The following CCDC85C variants were observed in gnomAD, a reference collection of about 807,000 sequenced individuals.
The protein encoded by CCDC85C is coiled-coil domain containing 85C, also known as coiled-coil domain-containing protein 85C.
In CCDC85C, 18 loss-of-function variants were observed where a neutral mutation model predicts 38.3. That is an observed-to-expected ratio of 0.47 (90% CI 0.33 to 0.70). The LOEUF (loss-of-function observed/expected upper bound fraction) is 0.70, where lower values mean the gene tolerates loss of function less well. Among genes scored for constraint, CCDC85C ranks in the 30% least tolerant of loss-of-function variants. CCDC85C has a pLI of 0.03. For synonymous variants in CCDC85C, 264 were observed against 293.8 expected, an observed-to-expected ratio of 0.90 and a Z score of 1.04; for missense variants, 566 against 621.2, an observed-to-expected ratio of 0.91 and a Z score of 0.94.
At chr14:99,589,115 G>A (rs1169635183) in intron 1 of CCDC85C, among the ~76,000 whole-genome samples, 4 of 151,938 alleles carry the variant, frequency 2.6e-5, no homozygotes, top group Non-Finnish European at 5.9e-5. Flanking sequence ...TAAGCCCTGA[G>A]GAGAGCAGGC....
intron 1 of CCDC85C, among the ~76,000 whole-genome samples, chr14:99,581,104 C>T (rs1183348904): frequency 6.6e-6 from 1 of 152,126 alleles, no homozygotes; most frequent in Non-Finnish European, 1.5e-5. Flanking sequence ...AGGCTGGTTC[C>T]ACGATCGCTG....
rs2139887161 is a variant in CCDC85C at position 99,510,296 on chromosome 14, G to T, written c.*4950C>A. 7.2e-7 allele frequency: 1 copy of T among 1,397,858 alleles called. No individual in the cohort carries two copies. 86.6% of individuals were successfully genotyped at this position (1,397,858 alleles called of 1,614,324 possible). A position where few individuals can be genotyped will look rare whatever the true frequency, so the allele number is the denominator to read the frequency against. On this transcript the variant is annotated 3_prime_UTR_variant, in exon 6 of 6. Transcript: ENST00000380243. ...ACCAGCCACCGCCGCTGCCACACCG[G>T]CCCCCGCCCCCACCCCCCTCCAGCT...
chr14:99,537,480 C>T (rs1020009617), intron 1 of CCDC85C, among the ~76,000 whole-genome samples: 2 of 152,142 alleles, frequency 1.3e-5, no homozygotes, highest in Admixed American at 1.3e-4. Flanking sequence ...CCTATTCAGC[C>T]CTGGACCAGG....
At chr14:99,546,338 A>G in intron 1 of CCDC85C, among the ~76,000 whole-genome samples, 1 of 152,142 alleles carries the variant, frequency 6.6e-6, no homozygotes, top group South Asian at 2.1e-4. Flanking sequence ...TCTCAGCCAC[A>G]TGCAGAGGTG....
intron 1 of CCDC85C, among the ~76,000 whole-genome samples, chr14:99,552,971 A>G (rs12888156): frequency 0.58 from 87,550 of 151,970 alleles, 25,906 homozygotes; most frequent in African/African-American, 0.72. Context: ...CCAGGCCACC[A>G]GGGATGGCCT....
Position 99,509,844 on chromosome 14 carries a change from T to G in CCDC85C, c.*5402A>C. 2.3e-6 allele frequency: 1 copy of G among 439,046 alleles called. No individual in the cohort carries two copies. Among genetic ancestry groups the G allele is most frequent in the Non-Finnish European group, 4.0e-6 (1 of 247,042 alleles). 27.2% of individuals were successfully genotyped at this position (439,046 alleles called of 1,614,324 possible). On this transcript the variant is annotated 3_prime_UTR_variant, in exon 6 of 6. Coordinates refer to ENST00000380243, the MANE Select transcript of CCDC85C (RefSeq NM_001144995.2). ...AGAGGAGCCCCCACACGTTTTGCAC[T>G]AGGAAGAGGGGGCTGGGGCCAGGGC... is the stretch of plus-strand genomic sequence containing the variant.
chr14:99,543,285 G>A (rs533312007), intron 1 of CCDC85C, among the ~76,000 whole-genome samples: 47 of 152,226 alleles, frequency 3.1e-4, no homozygotes, highest in Admixed American at 9.2e-4. Context: ...GCAGAACCCC[G>A]TCTTACAAAG....
chr14:99,501,904 A>C lies in CCDC85C; in HGVS notation c.*13342T>G, dbSNP rs1896839888. Reference sequence around the variant, plus strand: ...TCCATAAGATTTCATTTGAAGAAACAGTTGAGTGGCTAGGATTTCAACAGT... The same window carrying C: ...TCCATAAGATTTCATTTGAAGAAACCGTTGAGTGGCTAGGATTTCAACAGT... On this transcript the variant is annotated 3_prime_UTR_variant, in exon 6 of 6. Transcript: ENST00000380243. 4.0e-6 allele frequency: 1 copy of C among 247,942 alleles called. No homozygotes were observed. Among genetic ancestry groups the C allele is most frequent in the Non-Finnish European group, 7.6e-6 (1 of 130,762 alleles). The allele number at this position is 247,942 out of a possible 1,614,324, so 15.4% of individuals were successfully genotyped here. A position where few individuals can be genotyped will look rare whatever the true frequency, so the allele number is the denominator to read the frequency against.
At chr14:99,555,987 C>T (rs1016412250) in intron 1 of CCDC85C, among the ~76,000 whole-genome samples, 17 of 152,216 alleles carry the variant, frequency 1.1e-4, no homozygotes, top group African/African-American at 4.1e-4. Context: ...ACAGCCCGAT[C>T]GGCTGATCTT....
rs1897591180 is a variant in CCDC85C at position 99,536,051 on chromosome 14, T to G, written c.831A>C (p.Lys277Asn). The change falls in exon 2 of 6, where the codon AAA (lysine) becomes AAC (asparagine). Residue 277 changes from lysine (K) to asparagine (N), a missense_variant. Lys to Asn is a moderately conservative substitution (Grantham distance 94, BLOSUM62 0). Transcript: ENST00000380243. Reference sequence around the variant, plus strand: ...GCTTGTCACCCTCCAGCAGCCTCACTTTGCTCTCCAGTTGCCTGATGTAGG... The same window carrying G: ...GCTTGTCACCCTCCAGCAGCCTCACGTTGCTCTCCAGTTGCCTGATGTAGG... ...SSTYIRQLES[K>N]VRLLEGDKLL... 3 of 1,551,440 alleles carry G rather than the reference T, an allele frequency of 1.9e-6. No homozygotes were observed. The highest frequency in any genetic ancestry group is 2.6e-6 in the Non-Finnish European group (3 of 1,146,940).
rs1202887291 is a variant in CCDC85C at position 99,588,639 on chromosome 14, C to T, written c.793+14528G>A. 6.6e-6 allele frequency among the ~76,000 whole-genome samples: 1 copy of T among 151,992 alleles called. No individual in the cohort carries two copies. Among genetic ancestry groups the T allele is most frequent in the Non-Finnish European group, 1.5e-5 (1 of 68,004 alleles). ...CCTGGCACAGGTGGTGGCAAAGGGTCCCCTGGCTGCCCTTTCTGGTCTGGG... is the reference window on the plus strand; with the variant it reads ...CCTGGCACAGGTGGTGGCAAAGGGTTCCCTGGCTGCCCTTTCTGGTCTGGG... On this transcript the variant is annotated intron_variant, in intron 1 of 5. Coordinates refer to ENST00000380243, the MANE Select transcript of CCDC85C (RefSeq NM_001144995.2). This position sits in a 1 kb window ranked among gnomAD's most constrained non-coding sequence, Gnocchi z 5.0.
At chr14:99,586,058 G>A (rs547531658) in intron 1 of CCDC85C, among the ~76,000 whole-genome samples, 1 of 152,324 alleles carries the variant, frequency 6.6e-6, no homozygotes, top group African/African-American at 2.4e-5. Context: ...AGGGCTGGAG[G>A]GGAGCTCAGG....
chr14:99,513,844 CAAAA>C lies in CCDC85C; in HGVS notation c.*1398_*1401del, dbSNP rs3994976. 150,130 of 152,580 alleles carry C rather than the reference CAAAA, an allele frequency of 0.98. 73,901 individuals are homozygous for C. The highest frequency in any genetic ancestry group is 1 in the East Asian group (5,178 of 5,178). The allele number at this position is 152,580 out of a possible 1,614,324, so 9.5% of individuals were successfully genotyped here. ...TGTCCCCGTGCTGCAGCTGTGGGATCAAAATCCCTGTCATGTGCCACACATCACC... is the reference window on the plus strand; with the variant it reads ...TGTCCCCGTGCTGCAGCTGTGGGATCTCCCTGTCATGTGCCACACATCACC... On this transcript the variant is annotated 3_prime_UTR_variant, in exon 6 of 6. Coordinates refer to ENST00000380243, the MANE Select transcript of CCDC85C (RefSeq NM_001144995.2).
chr14:99,571,724 G>A (rs1240108028), intron 1 of CCDC85C, among the ~76,000 whole-genome samples: 6 of 152,228 alleles, frequency 3.9e-5, no homozygotes. Context: ...GGAATCACAT[G>A]CACAGGGTAA....
At chr14:99,540,307 C>T (rs1016212564) in intron 1 of CCDC85C, among the ~76,000 whole-genome samples, 6 of 152,162 alleles carry the variant, frequency 3.9e-5, no homozygotes, top group African/African-American at 9.6e-5. Flanking sequence ...GTGAGCCGGG[C>T]GTCAGTCACC....
chr14:99,584,029 C>T (rs897322817), intron 1 of CCDC85C, among the ~76,000 whole-genome samples: 1 of 151,910 alleles, frequency 6.6e-6, no homozygotes, highest in African/African-American at 2.4e-5. Context: ...GAAGGGTATG[C>T]AGGAGCCCTT....
chr14:99,578,445 C>T (rs1468567524), intron 1 of CCDC85C, among the ~76,000 whole-genome samples: 1 of 152,172 alleles, frequency 6.6e-6, no homozygotes, highest in Non-Finnish European at 1.5e-5. Flanking sequence ...CTATGTTCCC[C>T]GTCATGCAGT....
At chr14:99,570,560 G>GA (rs1898317001) in intron 1 of CCDC85C, among the ~76,000 whole-genome samples, 1 of 152,142 alleles carries the variant, frequency 6.6e-6, no homozygotes, top group Non-Finnish European at 1.5e-5. Context: ...CAGGGAGGGG[G>GA]ACAGGAGGAG....
At position 99,510,685 on chromosome 14, in the gene CCDC85C, C is replaced by T; in HGVS notation, c.*4561G>A. On this transcript the variant is annotated 3_prime_UTR_variant, in exon 6 of 6. Coordinates refer to ENST00000380243, the MANE Select transcript of CCDC85C (RefSeq NM_001144995.2). ...CCGCCAGCCAGCTACCCACCTCCTG[C>T]CGTCCCCCCTGGAGGACAGCCTCCT... The T allele has an allele frequency of 7.1e-7, 1 of 1,406,666 alleles. No homozygotes were observed. Among genetic ancestry groups the T allele is most frequent in the Non-Finnish European group, 9.3e-7 (1 of 1,079,458 alleles). The allele number at this position is 1,406,666 out of a possible 1,614,324, so 87.1% of individuals were successfully genotyped here.
Sources: gnomAD v4.1 joint callset for allele counts (sites outside exome capture counted in the v4.1 genomes callset) on GRCh38, gnomAD v4.1.1 for gene constraint, Gnocchi (gnomAD v3.1) non-coding constraint, MANE v1.5 for transcripts, NCBI Gene and HGNC (gene_info 2026-07-23, HGNC 2026-07-21) for gene names.